Variants in MMS22L observed in about 807,000 individuals in gnomAD.
The protein encoded by MMS22L is protein MMS22-like.
Under a neutral mutation model 159.1 loss-of-function variants are expected in MMS22L, and 74 were observed. The observed-to-expected ratio is 0.47, with a 90% CI of 0.39 to 0.56. MMS22L has a LOEUF of 0.56. Ranked by LOEUF, MMS22L falls within the 20% of genes least tolerant of loss-of-function variation. The pLI, the probability that MMS22L is intolerant of heterozygous loss-of-function variation, is 0.00. For missense variants in MMS22L, 1,351 were observed against 1,422.1 expected, an observed-to-expected ratio of 0.95 and a Z score of 0.80; for synonymous variants, 517 against 506.9, an observed-to-expected ratio of 1.02 and a Z score of -0.27.
At chr6:97,187,820 T>C (rs1805410114) in intron 14 of MMS22L, among the ~76,000 whole-genome samples, 2 of 152,188 alleles carry the variant, frequency 1.3e-5, no homozygotes, top group African/African-American at 4.8e-5. Flanking sequence ...GATCACATCT[T>C]AGAATATTTC....
chr6:97,178,964 A>G (rs145343721), intron 17 of MMS22L, among the ~76,000 whole-genome samples: 73 of 152,310 alleles, frequency 4.8e-4, no homozygotes, highest in African/African-American at 1.7e-3. Context: ...ATATCACTCA[A>G]TGACTACTTG....
At chr6:97,149,819 G>T in intron 24 of MMS22L, 34 bp downstream of exon 24, 1 of 1,506,226 alleles carries the variant, frequency 6.6e-7, no homozygotes, top group South Asian at 1.3e-5. Context: ...TATAATCACT[G>T]CCCCCCCCAA....
intron 11 of MMS22L, among the ~76,000 whole-genome samples, chr6:97,244,690 C>T (rs1812444123): frequency 6.6e-6 from 1 of 152,184 alleles, no homozygotes; most frequent in Non-Finnish European, 1.5e-5. Flanking sequence ...GGATTCCTTG[C>T]TCCTCAGCTT....
rs545245212 is a variant in MMS22L, at chr6:97,238,974, A to T, written c.1183-4994T>A. Among the ~76,000 whole-genome samples, 5 of 147,508 alleles carry T rather than the reference A, an allele frequency of 3.4e-5. No individual in the cohort carries two copies. In the Admixed American group the frequency reaches 3.4e-4, roughly 10 times the overall value. On this transcript the variant is annotated intron_variant, in intron 11 of 24. Transcript: ENST00000683635. ...AATTTAACAACTGGTTATTATATAT[A>T]ATTTAACAAAGACTCATTTATTTAT...
intron 14 of MMS22L, among the ~76,000 whole-genome samples, chr6:97,190,222 G>A (rs1251068457): frequency 1.3e-5 from 2 of 152,158 alleles, no homozygotes; most frequent in African/African-American, 4.8e-5. Context: ...TATAAAGAAT[G>A]TAATATAGTT....
At chr6:97,190,434 T>C (rs1246013184) in intron 14 of MMS22L, among the ~76,000 whole-genome samples, 1 of 152,154 alleles carries the variant, frequency 6.6e-6, no homozygotes, top group Non-Finnish European at 1.5e-5. Flanking sequence ...AAGATCAGTT[T>C]GGAAATACAA....
intron 8 of MMS22L, chr6:97,265,507 ATATCAAAATAAAAAGGAAATATCTG>A (rs1336319659): frequency 2.0e-5 from 3 of 152,184 alleles, no homozygotes; most frequent in Non-Finnish European, 2.9e-5. Flanking sequence ...AAATGGGATT[ATATCAAAATAAAAAGGAAATATCTG>A]CAAAGCAAAG....
At chr6:97,187,897 C>T (rs148817596) in intron 14 of MMS22L, among the ~76,000 whole-genome samples, 140 of 152,214 alleles carry the variant, frequency 9.2e-4, no homozygotes, top group African/African-American at 3.1e-3. Flanking sequence ...CCTTGAGCCC[C>T]TTTACATTGG....
chr6:97,244,042 T>C (rs1437390003), intron 11 of MMS22L, among the ~76,000 whole-genome samples: 1 of 152,202 alleles, frequency 6.6e-6, no homozygotes, highest in African/African-American at 2.4e-5. Flanking sequence ...TCTTGAATGC[T>C]GGTTATGCTA....
chr6:97,213,035 A>T (rs191427479), intron 14 of MMS22L, among the ~76,000 whole-genome samples: 86 of 152,254 alleles, frequency 5.6e-4, no homozygotes, highest in African/African-American at 2.0e-3. Flanking sequence ...ACAGTGCATG[A>T]GCACATTGTG....
intron 16 of MMS22L, among the ~76,000 whole-genome samples, chr6:97,181,679 G>A (rs952957648): frequency 1.3e-5 from 2 of 151,982 alleles, no homozygotes; most frequent in African/African-American, 4.8e-5. Flanking sequence ...GTTTTGAAAG[G>A]GCTTAACAAA....
chr6:97,150,684 A>T (rs1801236891), intron 23 of MMS22L, among the ~76,000 whole-genome samples: 1 of 152,152 alleles, frequency 6.6e-6, no homozygotes, highest in South Asian at 2.1e-4. Flanking sequence ...ATTGTTACTG[A>T]CTGATCACAA....
chr6:97,207,858 G>A (rs1485883814), intron 14 of MMS22L, among the ~76,000 whole-genome samples: 1 of 152,050 alleles, frequency 6.6e-6, no homozygotes, highest in Non-Finnish European at 1.5e-5. Flanking sequence ...TCCAACCTCT[G>A]CATTTATATG....
intron 10 of MMS22L, among the ~76,000 whole-genome samples, chr6:97,250,174 T>C (rs910762088): frequency 2.0e-5 from 3 of 152,126 alleles, no homozygotes; most frequent in Admixed American, 1.3e-4. Flanking sequence ...AATCTGCTGA[T>C]AGAAAGCAGG....
At chr6:97,160,691 A>AT (rs1202582167) in intron 22 of MMS22L, among the ~76,000 whole-genome samples, 1 of 151,908 alleles carries the variant, frequency 6.6e-6, no homozygotes, top group African/African-American at 2.4e-5. Context: ...TTTATTTTCA[A>AT]TTTTTTTGGC....
chr6:97,179,948 A>ATT (rs1804535325), intron 16 of MMS22L, among the ~76,000 whole-genome samples: 1 of 152,228 alleles, frequency 6.6e-6, no homozygotes, highest in South Asian at 2.1e-4. Context: ...GTCCGTTAGA[A>ATT]TAAGTAAACA....
chr6:97,190,423 TAAGATCAGTTTGGAAATAC>T (rs1805746739), intron 14 of MMS22L, among the ~76,000 whole-genome samples: 1 of 152,226 alleles, frequency 6.6e-6, no homozygotes, highest in African/African-American at 2.4e-5. Context: ...GATTTCACAT[TAAGATCAGTTTGGAAATAC>T]AAGATCAGAT....
intron 9 of MMS22L, chr6:97,261,494 A>G (rs1375363427): frequency 2.0e-5 from 3 of 152,178 alleles, no homozygotes; most frequent in South Asian, 4.1e-4. Flanking sequence ...TTTTCTTAAC[A>G]TTTATTTTCT....
rs1813582567 is a variant in MMS22L, at chr6:97,254,546, T to TG, written c.1119+10dup. On this transcript the variant is annotated intron_variant, in intron 10 of 24. Transcript: ENST00000683635. ...ACAATATAAGAAAGTTTTTAAAAAA[T>TG]GAAGTCTTACCATTTCATCTGGTAC... The TG allele has an allele frequency of 1.9e-6, 3 of 1,607,886 alleles. No homozygotes were observed. The highest frequency in any genetic ancestry group is 2.5e-6 in the Non-Finnish European group (3 of 1,177,464).
Sources: allele counts gnomAD v4.1 joint callset (sites outside exome capture counted in the v4.1 genomes callset), GRCh38; gene constraint gnomAD v4.1.1; transcripts MANE v1.5; gene names NCBI Gene and HGNC (gene_info 2026-07-23, HGNC 2026-07-21).